NET1: variants seen among roughly 807,000 people sequenced by gnomAD.
NET1 encodes the protein neuroepithelial cell transforming 1, also known as neuroepithelial cell-transforming gene 1 protein.
A neutral mutation model predicts 61.1 loss-of-function variants in NET1; 42 were observed. That is an observed-to-expected ratio of 0.69 (90% CI 0.54 to 0.89). The LOEUF is 0.89. Ranked by LOEUF, NET1 falls within the 40% of genes least tolerant of loss-of-function variation. The probability of loss-of-function intolerance (pLI) is 0.00; values close to 1 mark genes in which losing one functional copy is unlikely to be tolerated. For missense variants in NET1, 654 were observed against 747.3 expected (o/e 0.88, Z 1.46); for synonymous variants, 254 against 281.8 (o/e 0.90, Z 0.99).
At position 5,444,678 on chromosome 10, in the gene NET1, G is replaced by A. The variant is rs1832576003; in HGVS notation, c.256-7152G>A. 6.6e-6 allele frequency among the ~76,000 whole-genome samples: 1 copy of A among 151,974 alleles called. No homozygotes were observed. Among genetic ancestry groups the A allele is most frequent in the Admixed American group, 6.6e-5 (1 of 15,264 alleles). On this transcript the variant is annotated intron_variant, in intron 3 of 11. Transcript: ENST00000355029. This position sits in a 1 kb window ranked among gnomAD's most constrained non-coding sequence, Gnocchi z 5.3. Reference sequence around the variant, plus strand: ...CTCCAAAGTTAGATCCTTGGACCATGTTCTTTTTGTCCAAATTTTCTCTCC... The same window carrying A: ...CTCCAAAGTTAGATCCTTGGACCATATTCTTTTTGTCCAAATTTTCTCTCC...
intron 1 of NET1, among the ~76,000 whole-genome samples, chr10:5,413,115 G>C (rs891204676): frequency 3.9e-5 from 6 of 151,968 alleles, no homozygotes; most frequent in Non-Finnish European, 8.8e-5. Context: ...GACCGAGGTC[G>C]GTCCTGAGAC....
In NET1 at chr10:5,426,603, T is replaced by C; in HGVS notation, c.129-52T>C. Reference sequence around the variant, plus strand: ...ATAGCTTTTTATCTGTTTGATGCTCTATTATGCTAAAGTCAATCTCTTTAT... The same window carrying C: ...ATAGCTTTTTATCTGTTTGATGCTCCATTATGCTAAAGTCAATCTCTTTAT... On this transcript the variant is annotated intron_variant, in intron 1 of 11. Coordinates refer to ENST00000355029, the MANE Select transcript of NET1 (RefSeq NM_001047160.3). The surrounding 1 kb of genome is among the most constrained non-coding windows in gnomAD (Gnocchi z 4.6). 1 of 1,395,600 alleles carries C rather than the reference T, an allele frequency of 7.2e-7. No individual in the cohort carries two copies. Among genetic ancestry groups the C allele is most frequent in the Non-Finnish European group, 1.0e-6 (1 of 993,332 alleles). The allele number at this position is 1,395,600 out of a possible 1,614,324, so 86.5% of individuals were successfully genotyped here. A position where few individuals can be genotyped will look rare whatever the true frequency, so the allele number is the denominator to read the frequency against.
At position 5,416,847 on chromosome 10, in the gene NET1, T is replaced by G. The variant is rs551678856; in HGVS notation, c.128+4027T>G. 6.6e-6 allele frequency among the ~76,000 whole-genome samples: 1 copy of G among 152,228 alleles called. No individual in the cohort carries two copies. Among genetic ancestry groups the G allele is most frequent in the South Asian group, 2.1e-4 (1 of 4,822 alleles). On this transcript the variant is annotated intron_variant, in intron 1 of 11. Coordinates refer to ENST00000355029, the MANE Select transcript of NET1 (RefSeq NM_001047160.3). The surrounding 1 kb of genome is among the most constrained non-coding windows in gnomAD (Gnocchi z 6.1). ...TGAATGTTTACAGCTGAAGCCTCAG[T>G]GGGCTTGTGTTACAGGGTACTCTTA...
At position 5,431,077 on chromosome 10, in the gene NET1, T is replaced by C. The variant is rs896708065; in HGVS notation, c.255+1848T>C. ...CAGTAGAGACGGGGTTTCACCGTGT[T>C]AGCCAGGATGGTCTCGATCTCCTGA... is the stretch of plus-strand genomic sequence containing the variant. On this transcript the variant is annotated intron_variant, in intron 3 of 11. Coordinates refer to ENST00000355029, the MANE Select transcript of NET1 (RefSeq NM_001047160.3). This position sits in a 1 kb window ranked among gnomAD's most constrained non-coding sequence, Gnocchi z 4.9. Among the ~76,000 whole-genome samples the C allele has an allele frequency of 7.9e-5, 12 of 151,716 alleles. No individual in the cohort carries two copies. The highest frequency in any genetic ancestry group is 1.5e-4 in the Non-Finnish European group (10 of 67,912).
chr10:5,430,442 T>C (rs1225757399), intron 3 of NET1, among the ~76,000 whole-genome samples: 1 of 151,462 alleles, frequency 6.6e-6, no homozygotes, highest in Non-Finnish European at 1.5e-5. Context: ...TGGTGCGATC[T>C]CGGCCCCCTG....
At position 5,444,177 on chromosome 10, in the gene NET1, A is replaced by G. The variant is rs767074065; in HGVS notation, c.256-7653A>G. ...CTACAGTCATCCACTCTTAAGGCCA[A>G]CCACATCACACATACTGCCCAGGAC... On this transcript the variant is annotated intron_variant, in intron 3 of 11. Transcript: ENST00000355029. The surrounding 1 kb of genome is among the most constrained non-coding windows in gnomAD (Gnocchi z 5.3). Among the ~76,000 whole-genome samples the G allele has an allele frequency of 3.4e-4, 52 of 152,336 alleles. No individual in the cohort carries two copies. The highest frequency in any genetic ancestry group is 1.2e-3 in the African/African-American group (50 of 41,574).
rs1050174741 is a variant in NET1, at chr10:5,453,752, T to C, written c.768+192T>C. Among the ~76,000 whole-genome samples, 1 of 152,008 alleles carries C rather than the reference T, an allele frequency of 6.6e-6. No individual in the cohort carries two copies. On this transcript the variant is annotated intron_variant, in intron 8 of 11. Transcript: ENST00000355029. The surrounding 1 kb of genome is among the most constrained non-coding windows in gnomAD (Gnocchi z 4.9). The stretch of plus-strand genomic sequence containing the variant: ...AAAAAAAAAAAAACACCTTCATTAA[T>C]GCTATAGGTTCATTTGTGTTACAAA...
rs1832416106 is a variant in NET1, at chr10:5,435,528, GATAGACAGA to G, written c.255+6300_255+6308del. ...AGATAGATAGATAGATAGATAGATA[GATAGACAGA>G]CAGACAGATAGATAGATAGATAGAT... is the stretch of plus-strand genomic sequence containing the variant. On this transcript the variant is annotated intron_variant, in intron 3 of 11. Transcript: ENST00000355029. The surrounding 1 kb of genome is among the most constrained non-coding windows in gnomAD (Gnocchi z 5.0). Among the ~76,000 whole-genome samples the G allele has an allele frequency of 3.6e-4, 1 of 2,774 alleles. No individual in the cohort carries two copies. Among genetic ancestry groups the G allele is most frequent in the African/African-American group, 7.2e-4 (1 of 1,384 alleles). 1.8% of individuals were successfully genotyped at this position (2,774 alleles called of 152,430 possible).
At chr10:5,413,569 GAAGA>G (rs1430913662) in intron 1 of NET1, among the ~76,000 whole-genome samples, 3 of 152,178 alleles carry the variant, frequency 2.0e-5, no homozygotes, top group African/African-American at 7.2e-5. Flanking sequence ...GAGGCCAAAT[GAAGA>G]AAGAATTTCA....
At chr10:5,436,248 ATTTTT>A (rs1190534260) in intron 3 of NET1, among the ~76,000 whole-genome samples, 176 of 18,396 alleles carry the variant, frequency 9.6e-3, no homozygotes, top group East Asian at 0.023. Context: ...ATATATATAT[ATTTTT>A]TTTTTTTTTT....
At chr10:5,436,244 ATATATT>A (rs1832434964) in intron 3 of NET1, among the ~76,000 whole-genome samples, 1 of 22,452 alleles carries the variant, frequency 4.5e-5, no homozygotes, top group East Asian at 1.1e-3. Context: ...ATATATATAT[ATATATT>A]TTTTTTTTTT....
rs1441031810 is a variant in NET1 at position 5,452,286 on chromosome 10, AAAAAG to A, written c.364-67_364-63del. Reference sequence around the variant, plus strand: ...AACTTTGTCTTTCTTCACTTTAAAAAAAAAGAAAATGGGAATAATTCTATTTCTTC... The same window carrying A: ...AACTTTGTCTTTCTTCACTTTAAAAAAAAATGGGAATAATTCTATTTCTTC... On this transcript the variant is annotated intron_variant, in intron 4 of 11. Transcript: ENST00000355029. This position sits in a 1 kb window ranked among gnomAD's most constrained non-coding sequence, Gnocchi z 4.0. 4 of 1,342,380 alleles carry A rather than the reference AAAAAG, an allele frequency of 3.0e-6. No homozygotes were observed. The highest frequency in any genetic ancestry group is 1.5e-5 in the African/African-American group (1 of 67,198). 83.2% of individuals were successfully genotyped at this position (1,342,380 alleles called of 1,614,324 possible). A position where few individuals can be genotyped will look rare whatever the true frequency, so the allele number is the denominator to read the frequency against.
At position 5,412,686 on chromosome 10, in the gene NET1, C is replaced by T. The variant is rs770064622; in HGVS notation, c.-7C>T. ...CCCGGCCACCGCCCCACCCCCTCCT[C>T]CGTGCCATGGAGCCCGAGCTGGCGG... On this transcript the variant is annotated 5_prime_UTR_variant, in exon 1 of 12. Transcript: ENST00000355029. This position sits in a 1 kb window ranked among gnomAD's most constrained non-coding sequence, Gnocchi z 6.5. 1 of 1,468,894 alleles carries T rather than the reference C, an allele frequency of 6.8e-7. No homozygotes were observed. Among genetic ancestry groups the T allele is most frequent in the South Asian group, 1.3e-5 (1 of 76,106 alleles). 91.0% of individuals were successfully genotyped at this position (1,468,894 alleles called of 1,614,324 possible).
rs755619787 is a variant in NET1, at chr10:5,412,779, G to A, written c.87G>A (p.Thr29=). Residue 29 remains threonine, a synonymous_variant, in exon 1 of 12, where the codon ACG becomes ACA. Transcript: ENST00000355029. This position sits in a 1 kb window ranked among gnomAD's most constrained non-coding sequence, Gnocchi z 6.5. ...CTGGGCTCAGCACGGAGGGAGCGAC[G>A]GGGCCTTCGGCCGACACCTCCGGGT... The part of the protein sequence containing the change: ...RASGLSTEGA[T]GPSADTSGSE... 2.1e-6 allele frequency: 3 copies of A among 1,460,132 alleles called. No homozygotes were observed. Among genetic ancestry groups the A allele is most frequent in the Middle Eastern group, 2.3e-4 (1 of 4,280 alleles). The allele number at this position is 1,460,132 out of a possible 1,614,324, so 90.4% of individuals were successfully genotyped here. A position where few individuals can be genotyped will look rare whatever the true frequency, so the allele number is the denominator to read the frequency against.
At position 5,444,319 on chromosome 10, in the gene NET1, C is replaced by T. The variant is rs1832571348; in HGVS notation, c.256-7511C>T. Among the ~76,000 whole-genome samples, 1 of 152,202 alleles carries T rather than the reference C, an allele frequency of 6.6e-6. No homozygotes were observed. On this transcript the variant is annotated intron_variant, in intron 3 of 11. Transcript: ENST00000355029. The surrounding 1 kb of genome is among the most constrained non-coding windows in gnomAD (Gnocchi z 5.3). ...CTCGTGTATAAAACACACATAGCTA[C>T]AGAAGGGCAGTGGTGGTCCTTCCTG... is the stretch of plus-strand genomic sequence containing the variant.
In NET1 at chr10:5,444,953, T is replaced by C. The variant is rs552908119; in HGVS notation, c.256-6877T>C. On this transcript the variant is annotated intron_variant, in intron 3 of 11. Coordinates refer to ENST00000355029, the MANE Select transcript of NET1 (RefSeq NM_001047160.3). The surrounding 1 kb of genome is among the most constrained non-coding windows in gnomAD (Gnocchi z 5.3). ...ACAGTTACCCCTCCTATTTAAAGAA[T>C]TGTAGGCGTCTGTGACTTCTTGCTT... Among the ~76,000 whole-genome samples the C allele has an allele frequency of 8.5e-5, 13 of 152,354 alleles. No individual in the cohort carries two copies. In the South Asian group the frequency reaches 2.5e-3, roughly 29 times the overall value.
chr10:5,426,034 T>C lies in NET1; in HGVS notation c.129-621T>C, dbSNP rs958713558. 2.6e-5 allele frequency among the ~76,000 whole-genome samples: 4 copies of C among 152,224 alleles called. No homozygotes were observed. The highest frequency in any genetic ancestry group is 9.6e-5 in the African/African-American group (4 of 41,474). On this transcript the variant is annotated intron_variant, in intron 1 of 11. Coordinates refer to ENST00000355029, the MANE Select transcript of NET1 (RefSeq NM_001047160.3). The surrounding 1 kb of genome is among the most constrained non-coding windows in gnomAD (Gnocchi z 4.6). ...TTTGTCATAAGACTTTCTTGCTTTA[T>C]GTGTTTACATTGAATGGAAAAGAAA...
In NET1 at chr10:5,435,494, T is replaced by TAGATAGATAGAC. The variant is rs1832413565; in HGVS notation, c.255+6276_255+6277insCAGATAGATAGA. 2.7e-4 allele frequency among the ~76,000 whole-genome samples: 2 copies of TAGATAGATAGAC among 7,526 alleles called. No homozygotes were observed. Among genetic ancestry groups the TAGATAGATAGAC allele is most frequent in the African/African-American group, 4.2e-4 (2 of 4,794 alleles). The allele number at this position is 7,526 out of a possible 152,430, so 4.9% of individuals were successfully genotyped here. On this transcript the variant is annotated intron_variant, in intron 3 of 11. Coordinates refer to ENST00000355029, the MANE Select transcript of NET1 (RefSeq NM_001047160.3). The surrounding 1 kb of genome is among the most constrained non-coding windows in gnomAD (Gnocchi z 5.0). Reference sequence around the variant, plus strand: ...TGCCTGAGATAGATAGATAGATAGATAGATAGATAGATAGATAGATAGATA... The same window carrying TAGATAGATAGAC: ...TGCCTGAGATAGATAGATAGATAGATAGATAGATAGACAGATAGATAGATAGATAGATAGATA...
In NET1 at chr10:5,458,507, T is replaced by C. The variant is rs1228620018; in HGVS notation, c.*1513T>C. On this transcript the variant is annotated 3_prime_UTR_variant, in exon 12 of 12. Coordinates refer to ENST00000355029, the MANE Select transcript of NET1 (RefSeq NM_001047160.3). The surrounding 1 kb of genome is among the most constrained non-coding windows in gnomAD (Gnocchi z 4.5). Reference sequence around the variant, plus strand: ...GCCTGGTGGCTATGTTGGGGGCATTTGGCAAAATATGCTGGTGTGGCAAAG... The same window carrying C: ...GCCTGGTGGCTATGTTGGGGGCATTCGGCAAAATATGCTGGTGTGGCAAAG... 3 of 152,490 alleles carry C rather than the reference T, an allele frequency of 2.0e-5. No individual in the cohort carries two copies. Among genetic ancestry groups the C allele is most frequent in the Admixed American group, 6.5e-5 (1 of 15,272 alleles). 9.4% of individuals were successfully genotyped at this position (152,490 alleles called of 1,614,324 possible).
Sources: gnomAD v4.1 joint callset for allele counts (sites outside exome capture counted in the v4.1 genomes callset) on GRCh38, gnomAD v4.1.1 for gene constraint, Gnocchi (gnomAD v3.1) non-coding constraint, MANE v1.5 for transcripts, NCBI Gene and HGNC (gene_info 2026-07-23, HGNC 2026-07-21) for gene names.